The following PCDH7 variants were observed in gnomAD, a reference collection of about 807,000 sequenced individuals.
The protein encoded by PCDH7 is protocadherin-7.
Under a neutral mutation model 58.9 loss-of-function variants are expected in PCDH7, and 17 were observed. The ratio of observed to expected loss-of-function variants is 0.29; its 90% CI spans 0.20 to 0.43. The LOEUF is 0.43. Among genes scored for constraint, PCDH7 ranks in the 20% least tolerant of loss-of-function variants. The probability of loss-of-function intolerance (pLI) is 1.00; values close to 1 mark genes in which losing one functional copy is unlikely to be tolerated. For synonymous variants in PCDH7, 664 were observed against 616.4 expected, an observed-to-expected ratio of 1.08 and a Z score of -1.14; for missense variants, 1,274 against 1,441.0, an observed-to-expected ratio of 0.88 and a Z score of 1.88.
chr4:30,788,454 A>T (rs1723697132), intron 1 of PCDH7, among the ~76,000 whole-genome samples: 1 of 151,990 alleles, frequency 6.6e-6, no homozygotes, highest in Non-Finnish European at 1.5e-5. Flanking sequence ...TATTACAGGG[A>T]TTTTTGTCCT....
intron 1 of PCDH7, among the ~76,000 whole-genome samples, chr4:30,914,994 A>T (rs1407331105): frequency 6.6e-6 from 1 of 152,156 alleles, no homozygotes; most frequent in African/African-American, 2.4e-5. Flanking sequence ...AAAATATTTT[A>T]CTGTTTTTAT....
At chr4:30,797,163 G>A (rs1424008014) in intron 1 of PCDH7, among the ~76,000 whole-genome samples, 1 of 149,892 alleles carries the variant, frequency 6.7e-6, no homozygotes, top group Non-Finnish European at 1.5e-5. Flanking sequence ...GTTTCATCAT[G>A]TTGCTCAGGT....
rs369540529 is a variant in PCDH7 at position 30,968,319 on chromosome 4, C to CACACACTA, written c.*7+18104_*7+18105insACACACTA. On this transcript the variant is annotated intron_variant, in intron 3 of 3. Transcript: ENST00000509759. ...CTCTCTCTCTATATATATATATACACTATATATATATATACACACACTATA... is the reference window on the plus strand; with the variant it reads ...CTCTCTCTCTATATATATATATACACACACACTATATATATATATATACACACACTATA... 4.6e-4 allele frequency among the ~76,000 whole-genome samples: 38 copies of CACACACTA among 82,586 alleles called. 1 individual carries two copies. The highest frequency in any genetic ancestry group is 1.3e-3 in the African/African-American group (21 of 16,720). 54.2% of individuals were successfully genotyped at this position (82,586 alleles called of 152,430 possible). A position where few individuals can be genotyped will look rare whatever the true frequency, so the allele number is the denominator to read the frequency against.
chr4:30,749,410 A>G (rs9291548), intron 1 of PCDH7, among the ~76,000 whole-genome samples: 96,512 of 152,066 alleles, frequency 0.63, 33,048 homozygotes, highest in African/African-American at 0.9. Flanking sequence ...GTGGGAAGAG[A>G]GGAGGAAAGA....
chr4:31,113,964 C>T (rs1343412546), intron 3 of PCDH7, among the ~76,000 whole-genome samples: 1 of 151,322 alleles, frequency 6.6e-6, no homozygotes, highest in East Asian at 1.9e-4. Context: ...TCCCTGGTAG[C>T]TGGGATTATA....
At chr4:30,841,202 A>G (rs552091397) in intron 1 of PCDH7, among the ~76,000 whole-genome samples, 1 of 152,258 alleles carries the variant, frequency 6.6e-6, no homozygotes, top group Non-Finnish European at 1.5e-5. Flanking sequence ...TTTCAAGATA[A>G]TAACCTTAGA....
exon 2 of PCDH7, chr4:30,730,919 A>G: frequency 7.4e-7 from 1 of 1,354,074 alleles, no homozygotes; most frequent in Non-Finnish European, 9.6e-7. Context: ...TGTACATTTT[A>G]TTTTTGAGTC....
chr4:30,758,422 A>T (rs1365634112), intron 1 of PCDH7, among the ~76,000 whole-genome samples: 2 of 152,206 alleles, frequency 1.3e-5, no homozygotes, highest in Non-Finnish European at 2.9e-5. Flanking sequence ...TGGCAGACAA[A>T]TGGAATACTT....
At chr4:31,017,018 C>T (rs1174626197) in intron 3 of PCDH7, among the ~76,000 whole-genome samples, 1 of 151,834 alleles carries the variant, frequency 6.6e-6, no homozygotes, top group East Asian at 1.9e-4. Flanking sequence ...CAACACTGAG[C>T]TCTTCTGGAC....
intron 3 of PCDH7, among the ~76,000 whole-genome samples, chr4:31,012,742 A>G (rs1753288063): frequency 6.6e-6 from 1 of 150,644 alleles, no homozygotes; most frequent in African/African-American, 2.4e-5. Flanking sequence ...CCAGGCTCAC[A>G]CCTGTAATCC....
chr4:30,770,497 T>A (rs1721260253), intron 1 of PCDH7, among the ~76,000 whole-genome samples: 1 of 152,194 alleles, frequency 6.6e-6, no homozygotes, highest in South Asian at 2.1e-4. Flanking sequence ...AAGAGAAATA[T>A]GAAACTCAGG....
intron 1 of PCDH7, among the ~76,000 whole-genome samples, chr4:30,894,512 T>TACAC (rs1739098708): frequency 2.0e-5 from 1 of 50,342 alleles, no homozygotes; most frequent in African/African-American, 1.2e-4. Flanking sequence ...TATATATATA[T>TACAC]ATATACACAC....
intron 3 of PCDH7, among the ~76,000 whole-genome samples, chr4:30,987,298 A>G (rs1239566893): frequency 6.6e-6 from 1 of 152,162 alleles, no homozygotes; most frequent in Admixed American, 6.5e-5. Context: ...TCTATTTTAT[A>G]CCAGGTTTTT....
At chr4:30,993,475 A>AT (rs1453756791) in intron 3 of PCDH7, among the ~76,000 whole-genome samples, 1 of 152,194 alleles carries the variant, frequency 6.6e-6, no homozygotes, top group Non-Finnish European at 1.5e-5. Context: ...AATGATAATA[A>AT]TGATAAATAA....
At chr4:30,752,987 A>G (rs1718772973) in intron 1 of PCDH7, among the ~76,000 whole-genome samples, 1 of 152,132 alleles carries the variant, frequency 6.6e-6, no homozygotes, top group Non-Finnish European at 1.5e-5. Context: ...AAGCATTTGA[A>G]CTTGGTGTCA....
intron 3 of PCDH7, among the ~76,000 whole-genome samples, chr4:31,049,940 AG>A (rs746493690): frequency 6.6e-6 from 1 of 152,140 alleles, no homozygotes; most frequent in Non-Finnish European, 1.5e-5. Context: ...AAAAGCTGAA[AG>A]GGGTAGTTTT....
intron 3 of PCDH7, among the ~76,000 whole-genome samples, chr4:30,989,939 C>A (rs1037842128): frequency 6.6e-6 from 1 of 152,032 alleles, no homozygotes; most frequent in Non-Finnish European, 1.5e-5. Flanking sequence ...ATTCACATGC[C>A]ATTGACTTTT....
chr4:30,781,121 A>G (rs543194555), intron 1 of PCDH7, among the ~76,000 whole-genome samples: 1 of 152,148 alleles, frequency 6.6e-6, no homozygotes, highest in East Asian at 1.9e-4. Context: ...GCTGATACAT[A>G]CATATGGTAT....
At chr4:30,947,144 C>T (rs1406236385) in intron 2 of PCDH7, among the ~76,000 whole-genome samples, 1 of 152,118 alleles carries the variant, frequency 6.6e-6, no homozygotes, top group Non-Finnish European at 1.5e-5. Context: ...TTATCAGCCT[C>T]TTAATATCTG....
Sources: allele counts gnomAD v4.1 joint callset (sites outside exome capture counted in the v4.1 genomes callset), GRCh38; gene constraint gnomAD v4.1.1; transcripts MANE v1.5; gene names NCBI Gene and HGNC (gene_info 2026-07-23, HGNC 2026-07-21).